The following CAMK1D variants were observed in gnomAD, a reference collection of about 807,000 sequenced individuals.
The protein encoded by CAMK1D is calcium/calmodulin dependent protein kinase ID, also known as calcium/calmodulin-dependent protein kinase type 1D.
In CAMK1D, 9 loss-of-function variants were observed where a neutral mutation model predicts 47.7. The observed-to-expected ratio is 0.19, with a 90% CI of 0.11 to 0.33. The LOEUF (loss-of-function observed/expected upper bound fraction) is 0.33. Ranked by LOEUF, CAMK1D falls within the 10% of genes least tolerant of loss-of-function variation. The probability of loss-of-function intolerance (pLI) is 1.00; values close to 1 mark genes in which losing one functional copy is unlikely to be tolerated. For synonymous variants in CAMK1D, 184 were observed against 184.9 expected, an observed-to-expected ratio of 0.99 and a Z score of 0.04; for missense variants, 291 against 488.7, an observed-to-expected ratio of 0.60 and a Z score of 3.81.
chr10:12,808,752 T>G (rs1421141613), intron 6 of CAMK1D, among the ~76,000 whole-genome samples: 7 of 152,130 alleles, frequency 4.6e-5, no homozygotes, highest in Non-Finnish European at 1.5e-5. Flanking sequence ...CACTCCAACC[T>G]GGGCAACAAG....
chr10:12,522,987 A>G (rs1835482273), intron 1 of CAMK1D, among the ~76,000 whole-genome samples: 2 of 134,896 alleles, frequency 1.5e-5, no homozygotes, highest in Non-Finnish European at 1.6e-5. Flanking sequence ...TCCCTCCCAG[A>G]TGGGGTGGCT....
intron 1 of CAMK1D, among the ~76,000 whole-genome samples, chr10:12,457,399 A>G (rs1279148069): frequency 6.6e-6 from 1 of 151,922 alleles, no homozygotes; most frequent in Non-Finnish European, 1.5e-5. Flanking sequence ...TCAAAAAAAA[A>G]AAAAGTGTTT....
At chr10:12,587,594 G>A (rs989289539) in intron 2 of CAMK1D, among the ~76,000 whole-genome samples, 45 of 150,674 alleles carry the variant, frequency 3.0e-4, no homozygotes, top group Admixed American at 2.4e-3. Context: ...TATGCAGCCC[G>A]AGTTGAGATT....
chr10:12,662,412 G>A (rs1308332824), intron 2 of CAMK1D, among the ~76,000 whole-genome samples: 1 of 152,202 alleles, frequency 6.6e-6, no homozygotes, highest in Non-Finnish European at 1.5e-5. Flanking sequence ...CCAGCACTTT[G>A]GGAGGCCGAG....
At chr10:12,734,494 A>ATATG (rs1835083219) in intron 3 of CAMK1D, among the ~76,000 whole-genome samples, 1 of 142,632 alleles carries the variant, frequency 7.0e-6, no homozygotes, top group African/African-American at 2.7e-5. Flanking sequence ...ACATATGTAT[A>ATATG]TATATACACA....
Position 12,359,478 on chromosome 10 carries a change from T to A in CAMK1D, c.92+9568T>A, listed in dbSNP as rs550021397. The stretch of plus-strand genomic sequence containing the variant: ...CAGCTCCGGTGCTGGAGTGACCTAG[T>A]TAGCTGTGTGTCCCAGGCTCAGCCC... On this transcript the variant is annotated intron_variant, in intron 1 of 10. Coordinates refer to ENST00000619168, the MANE Select transcript of CAMK1D (RefSeq NM_153498.4). Among the ~76,000 whole-genome samples, 18 of 151,742 alleles carry A rather than the reference T, an allele frequency of 1.2e-4. No individual in the cohort carries two copies. In the East Asian group the frequency reaches 2.5e-3, roughly 21 times the overall value.
In CAMK1D at chr10:12,461,457, G is replaced by A. The variant is rs187927752; in HGVS notation, c.93-91768G>A. Among the ~76,000 whole-genome samples, 337 of 152,238 alleles carry A rather than the reference G, an allele frequency of 2.2e-3. 2 individuals carry two copies. Among genetic ancestry groups the A allele is most frequent in the African/African-American group, 5.2e-3 (217 of 41,560 alleles). On this transcript the variant is annotated intron_variant, in intron 1 of 10. Transcript: ENST00000619168. Reference sequence around the variant, plus strand: ...TGTAATCCCAGCACCTTGGGAAGCCGAGGTGGGCGGGTCGCGAGGTTAAGA... The same window carrying A: ...TGTAATCCCAGCACCTTGGGAAGCCAAGGTGGGCGGGTCGCGAGGTTAAGA...
rs148185729 is a variant in CAMK1D, at chr10:12,695,492, G to T, written c.299+28682G>T. 4.1e-3 allele frequency among the ~76,000 whole-genome samples: 625 copies of T among 152,240 alleles called. 6 individuals are homozygous for T. The highest frequency in any genetic ancestry group is 7.3e-3 in the Non-Finnish European group (495 of 68,022). On this transcript the variant is annotated intron_variant, in intron 3 of 10. Transcript: ENST00000619168. ...CTCCCTTCTCCTCCCTGGCCCTGTA[G>T]CCACCGCATTAGAACAAGCGCATGA...
chr10:12,399,593 C>G (rs914376419), intron 1 of CAMK1D, among the ~76,000 whole-genome samples: 1 of 152,028 alleles, frequency 6.6e-6, no homozygotes, highest in African/African-American at 2.4e-5. Context: ...TTGGGACACC[C>G]CTACTATGAC....
At chr10:12,380,658 C>T (rs1047215601) in intron 1 of CAMK1D, among the ~76,000 whole-genome samples, 1 of 152,150 alleles carries the variant, frequency 6.6e-6, no homozygotes, top group Non-Finnish European at 1.5e-5. Flanking sequence ...AGATCGAGAC[C>T]ATCCTGGCTA....
chr10:12,466,380 C>A (rs1332525118), intron 1 of CAMK1D, among the ~76,000 whole-genome samples: 1 of 152,108 alleles, frequency 6.6e-6, no homozygotes, highest in East Asian at 1.9e-4. Flanking sequence ...TGCACTCCAG[C>A]CTGGGCGACA....
At chr10:12,778,971 A>G (rs1837381090) in intron 5 of CAMK1D, among the ~76,000 whole-genome samples, 1 of 152,168 alleles carries the variant, frequency 6.6e-6, no homozygotes, top group Admixed American at 6.5e-5. Context: ...GACTTGAGCA[A>G]AAGTAAGGAG....
intron 2 of CAMK1D, among the ~76,000 whole-genome samples, chr10:12,604,497 G>T (rs1838393856): frequency 6.6e-6 from 1 of 152,212 alleles, no homozygotes; most frequent in Admixed American, 6.5e-5. Flanking sequence ...CCATCAGGGT[G>T]CTTGGCTTCT....
intron 1 of CAMK1D, among the ~76,000 whole-genome samples, chr10:12,480,454 C>T (rs376396112): frequency 6.7e-6 from 1 of 149,976 alleles, no homozygotes; most frequent in African/African-American, 2.4e-5. Flanking sequence ...AAACAAAAAA[C>T]AAAAAAAAAC....
In CAMK1D at chr10:12,467,614, A is replaced by T. The variant is rs190112091; in HGVS notation, c.93-85611A>T. On this transcript the variant is annotated intron_variant, in intron 1 of 10. Transcript: ENST00000619168. ...AAAAAATGAAATTGTCAGTTATGCC[A>T]GGTCTACCTAGAATAGATGACTTTT... Among the ~76,000 whole-genome samples the T allele has an allele frequency of 4.3e-4, 65 of 152,362 alleles. No individual in the cohort carries two copies. The East Asian group carries it at 0.011, about 25-fold the overall frequency.
chr10:12,741,321 A>G (rs952708528), intron 3 of CAMK1D, among the ~76,000 whole-genome samples: 10 of 152,208 alleles, frequency 6.6e-5, no homozygotes, highest in African/African-American at 2.4e-4. Flanking sequence ...CCGCCGGGTT[A>G]GACCTAAGTT....
intron 1 of CAMK1D, among the ~76,000 whole-genome samples, chr10:12,416,964 T>G (rs1301692594): frequency 1.3e-5 from 2 of 152,094 alleles, no homozygotes; most frequent in African/African-American, 4.8e-5. Context: ...GAGGTGGTTG[T>G]TAATTGTCAC....
At chr10:12,523,419 G>A (rs1406646238) in intron 1 of CAMK1D, among the ~76,000 whole-genome samples, 1 of 152,218 alleles carries the variant, frequency 6.6e-6, no homozygotes, top group Non-Finnish European at 1.5e-5. Context: ...GTTGTAGCCA[G>A]CCGAGATCAG....
At chr10:12,719,763 T>C (rs1834298964) in intron 3 of CAMK1D, among the ~76,000 whole-genome samples, 1 of 152,224 alleles carries the variant, frequency 6.6e-6, no homozygotes. Context: ...GGCAAGGCTG[T>C]TTCACAGTTA....
Sources: allele counts gnomAD v4.1 joint callset (sites outside exome capture counted in the v4.1 genomes callset), GRCh38; gene constraint gnomAD v4.1.1; transcripts MANE v1.5; gene names NCBI Gene and HGNC (gene_info 2026-07-23, HGNC 2026-07-21).